The following GRM7 variants were observed in gnomAD, a reference collection of about 807,000 sequenced individuals.
The protein encoded by GRM7 is metabotropic glutamate receptor 7.
A neutral mutation model predicts 84.5 loss-of-function variants in GRM7; 35 were observed. The ratio of observed to expected loss-of-function variants is 0.41; its 90% CI spans 0.32 to 0.55. GRM7 has a LOEUF of 0.55. GRM7 is among the 20% of genes least tolerant of loss of function. The pLI is 0.19. For synonymous variants in GRM7, 487 were observed against 455.1 expected (o/e 1.07, Z -0.89); for missense variants, 1,003 against 1,194.6 (o/e 0.84, Z 2.36).
chr3:7,235,747 G>T (rs1697328370), intron 2 of GRM7, among the ~76,000 whole-genome samples: 1 of 152,112 alleles, frequency 6.6e-6, no homozygotes, highest in East Asian at 1.9e-4. Context: ...TTCTAAACAA[G>T]ATGTGAGGAA....
chr3:7,221,804 A>ATTTTTTTTT (rs540956206), intron 2 of GRM7, among the ~76,000 whole-genome samples: 183 of 97,324 alleles, frequency 1.9e-3, no homozygotes, highest in Non-Finnish European at 2.4e-3. Flanking sequence ...AATTTCTTGT[A>ATTTTTTTTT]TTTTTTTTTT....
chr3:7,450,537 A>G (rs973535906), intron 5 of GRM7, among the ~76,000 whole-genome samples: 1 of 152,178 alleles, frequency 6.6e-6, no homozygotes, highest in African/African-American at 2.4e-5. Context: ...TATTCTAAGA[A>G]TGTTATCTGT....
intron 1 of GRM7, among the ~76,000 whole-genome samples, chr3:6,971,648 A>G (rs776092474): frequency 6.6e-6 from 1 of 152,206 alleles, no homozygotes; most frequent in Middle Eastern, 3.2e-3. Context: ...ATCACGATGA[A>G]TATCAACTAC....
intron 5 of GRM7, among the ~76,000 whole-genome samples, chr3:7,436,793 G>T (rs1034479516): frequency 2.2e-4 from 34 of 152,174 alleles, no homozygotes; most frequent in Non-Finnish European, 4.6e-4. Context: ...TATGAACTTT[G>T]CAGTCAGTCA....
chr3:7,712,119 G>A (rs746222678), intron 9 of GRM7, among the ~76,000 whole-genome samples: 4 of 152,134 alleles, frequency 2.6e-5, no homozygotes, highest in Non-Finnish European at 5.9e-5. Context: ...CCGTGCCAGC[G>A]GCAGTGGAGG....
At chr3:6,997,991 C>A (rs750648921) in intron 1 of GRM7, among the ~76,000 whole-genome samples, 2 of 151,498 alleles carry the variant, frequency 1.3e-5, no homozygotes, top group African/African-American at 2.4e-5. Flanking sequence ...TGGTGGCCTG[C>A]ACCTGTAATA....
chr3:6,919,152 G>A (rs1057302716), intron 1 of GRM7, among the ~76,000 whole-genome samples: 1 of 151,888 alleles, frequency 6.6e-6, no homozygotes, highest in Non-Finnish European at 1.5e-5. Flanking sequence ...CTTTATGTAT[G>A]GAGACATAAG....
chr3:7,066,489 C>G (rs2124977561), intron 1 of GRM7, among the ~76,000 whole-genome samples: 1 of 151,890 alleles, frequency 6.6e-6, no homozygotes, highest in African/African-American at 2.4e-5. Context: ...ATTAGATACC[C>G]TGAACAGACC....
intron 5 of GRM7, among the ~76,000 whole-genome samples, chr3:7,422,628 G>T (rs950388541): frequency 3.9e-5 from 6 of 152,058 alleles, no homozygotes; most frequent in African/African-American, 1.4e-4. Context: ...ATTATTTTTT[G>T]TATATGGCAT....
At chr3:7,081,771 G>A (rs1419828820) in intron 1 of GRM7, among the ~76,000 whole-genome samples, 1 of 152,104 alleles carries the variant, frequency 6.6e-6, no homozygotes, top group Non-Finnish European at 1.5e-5. Flanking sequence ...TGATAAATAA[G>A]TGAAACTGCT....
chr3:7,212,919 G>A (rs1213152387), intron 2 of GRM7, among the ~76,000 whole-genome samples: 2 of 152,204 alleles, frequency 1.3e-5, no homozygotes, highest in Non-Finnish European at 2.9e-5. Context: ...CCAGTGAATA[G>A]TGGCTGGAGT....
intron 5 of GRM7, among the ~76,000 whole-genome samples, chr3:7,432,019 A>T (rs1023895383): frequency 2.0e-5 from 3 of 152,022 alleles, no homozygotes; most frequent in Non-Finnish European, 2.9e-5. Context: ...CTTCCCAGAT[A>T]CTCCAAAGGG....
intron 1 of GRM7, among the ~76,000 whole-genome samples, chr3:6,933,798 A>G (rs17046401): frequency 0.041 from 6,200 of 152,142 alleles, 236 homozygotes; most frequent in East Asian, 0.19. Flanking sequence ...ACTGTGCCAG[A>G]GTGGTAATCA....
At chr3:7,277,748 C>T (rs1024227841) in intron 2 of GRM7, among the ~76,000 whole-genome samples, 9 of 151,248 alleles carry the variant, frequency 6.0e-5, no homozygotes, top group African/African-American at 1.2e-4. Flanking sequence ...TTTTGGATTA[C>T]GGTATGTTAA....
intron 9 of GRM7, among the ~76,000 whole-genome samples, chr3:7,721,838 A>AT (rs1214672378): frequency 6.6e-6 from 1 of 152,202 alleles, no homozygotes; most frequent in Non-Finnish European, 1.5e-5. Flanking sequence ...AGAAACTGTC[A>AT]TTTTTGGCAA....
intron 2 of GRM7, among the ~76,000 whole-genome samples, chr3:7,195,452 C>G (rs1695847050): frequency 6.6e-6 from 1 of 152,146 alleles, no homozygotes; most frequent in South Asian, 2.1e-4. Flanking sequence ...ATTTTCTTAA[C>G]TTCAGAATCT....
chr3:7,390,163 G>A (rs1023567376), intron 4 of GRM7, among the ~76,000 whole-genome samples: 34 of 152,022 alleles, frequency 2.2e-4, no homozygotes, highest in Admixed American at 4.6e-4. Flanking sequence ...TTTTCTTTAA[G>A]AATGCTAAAA....
At chr3:7,699,156 C>A (rs1348635494) in intron 9 of GRM7, among the ~76,000 whole-genome samples, 3 of 152,156 alleles carry the variant, frequency 2.0e-5, no homozygotes, top group Non-Finnish European at 2.9e-5. Context: ...TACAGTCAAT[C>A]CTGACCTGAA....
intron 1 of GRM7, among the ~76,000 whole-genome samples, chr3:7,107,347 T>C (rs574772668): frequency 1.3e-5 from 2 of 152,198 alleles, no homozygotes; most frequent in African/African-American, 4.8e-5. Context: ...CGTTCTACAG[T>C]AAAGTCTAGA....
Sources: allele counts gnomAD v4.1 joint callset (sites outside exome capture counted in the v4.1 genomes callset), GRCh38; gene constraint gnomAD v4.1.1; transcripts MANE v1.5; gene names NCBI Gene and HGNC (gene_info 2026-07-23, HGNC 2026-07-21).